Variants in ATP5PF observed in about 807,000 individuals in gnomAD.
The protein encoded by ATP5PF is ATP synthase peripheral stalk subunit F6.
In ATP5PF, 7 loss-of-function variants were observed where a neutral mutation model predicts 12.0. The observed-to-expected ratio is 0.58, with a 90% CI of 0.33 to 1.10. ATP5PF has a LOEUF of 1.10. Ranked by LOEUF, ATP5PF falls within the 50% of genes least tolerant of loss-of-function variation. The pLI is 0.03. For missense variants in ATP5PF, 120 were observed against 127.7 expected (o/e 0.94, Z 0.29); for synonymous variants, 41 against 45.4 (o/e 0.90, Z 0.39).
rs370858284 is a variant in ATP5PF, at chr21:25,732,985, CAAAAA to C, written c.-8+1863_-8+1867del. On this transcript the variant is annotated intron_variant, in intron 1 of 3. Transcript: ENST00000284971. ...GGGCAACAAGAGTGAAACTCTGTCT[CAAAAA>C]AAAAAAAAAAAAAAAAAAAAAAGAA... Among the ~76,000 whole-genome samples the C allele has an allele frequency of 2.5e-4, 12 of 47,810 alleles. No individual in the cohort carries two copies. The South Asian group carries it at 4.6e-3, about 18-fold the overall frequency. 31.4% of individuals were successfully genotyped at this position (47,810 alleles called of 152,430 possible). A position where few individuals can be genotyped will look rare whatever the true frequency, so the allele number is the denominator to read the frequency against.
chr21:25,734,677 C>A, intron 1 of ATP5PF, 176 bp downstream of exon 1: 1 of 635,670 alleles, frequency 1.6e-6, no homozygotes, highest in Non-Finnish European at 2.6e-6. Context: ...CTACGGCAAA[C>A]TCCAAGGTCT....
chr21:25,727,691 G>A (rs1292104669), intron 2 of ATP5PF, among the ~76,000 whole-genome samples: 1 of 152,078 alleles, frequency 6.6e-6, no homozygotes, highest in Non-Finnish European at 1.5e-5. Context: ...TTACTAGATA[G>A]GCTTTTAAAG....
chr21:25,724,757 C>T, intron 3 of ATP5PF, 80 bp from the exon 4 acceptor site: 1 of 1,416,822 alleles, frequency 7.1e-7, no homozygotes, highest in Non-Finnish European at 9.6e-7. Flanking sequence ...AGATTTAACT[C>T]ATCAATTTTC....
Position 25,728,044 on chromosome 21 carries a change from C to T in ATP5PF, c.164+1587G>A, listed in dbSNP as rs2034663341. Reference sequence around the variant, plus strand: ...TTTATTGTTCCCTCTTCTTCCTCTCCAGCAGCTCACCAAAACCAGGCATCA... The same window carrying T: ...TTTATTGTTCCCTCTTCTTCCTCTCTAGCAGCTCACCAAAACCAGGCATCA... On this transcript the variant is annotated intron_variant, in intron 2 of 3. Transcript: ENST00000284971. Among the ~76,000 whole-genome samples the T allele has an allele frequency of 2.6e-5, 4 of 152,158 alleles. No individual in the cohort carries two copies. In the South Asian group the frequency reaches 8.3e-4, roughly 32 times the overall value.
At chr21:25,725,024 C>G in intron 3 of ATP5PF, 1 of 677,214 alleles carries the variant, frequency 1.5e-6, no homozygotes, top group African/African-American at 1.9e-5. Flanking sequence ...AGATCCCCAC[C>G]ATTTAATCAC....
At chr21:25,731,214 C>T (rs1461158934) in intron 1 of ATP5PF, among the ~76,000 whole-genome samples, 6 of 152,106 alleles carry the variant, frequency 3.9e-5, no homozygotes, top group Admixed American at 6.6e-5. Context: ...TGCACTCCAG[C>T]CTGGATGCAG....
At chr21:25,729,497 C>A in intron 2 of ATP5PF, 134 bp downstream of exon 2, 2 of 744,124 alleles carry the variant, frequency 2.7e-6, no homozygotes, top group South Asian at 3.3e-5. Context: ...TTGAGGGCAC[C>A]TAATGAACCT....
Position 25,725,310 on chromosome 21 carries a change from G to T in ATP5PF, c.205C>A (p.Gln69Lys). The change falls in exon 3 of 4, where the codon CAA becomes AAA. Residue 69 changes from glutamine (Q) to lysine (K), a missense_variant. Physicochemically the swap from Gln to Lys is moderately conservative, Grantham distance 53. Coordinates refer to ENST00000284971, the MANE Select transcript of ATP5PF (RefSeq NM_001003703.2). ...GPVDASSEYQ[Q>K]ELERELFKLK... is the part of the protein sequence containing the mutation. The stretch of plus-strand genomic sequence containing the variant: ...TTAAAAAGCTCCCTCTCCAGCTCTT[G>T]CTGATACTCTGAACTAGCATCAACA... 4 of 1,612,602 alleles carry T rather than the reference G, an allele frequency of 2.5e-6. No individual in the cohort carries two copies. Among genetic ancestry groups the T allele is most frequent in the Non-Finnish European group, 3.4e-6 (4 of 1,179,870 alleles).
chr21:25,734,420 C>T, intron 1 of ATP5PF: 2 of 983,454 alleles, frequency 2.0e-6, no homozygotes, highest in Middle Eastern at 1.0e-3. Flanking sequence ...TTAGCACCAT[C>T]GTTTTTAGGT....
At chr21:25,734,374 T>C in intron 1 of ATP5PF, 1 of 988,094 alleles carries the variant, frequency 1.0e-6, no homozygotes, top group Non-Finnish European at 1.2e-6. Flanking sequence ...CAGTGCATAT[T>C]CCTATGAACA....
intron 1 of ATP5PF, among the ~76,000 whole-genome samples, chr21:25,733,358 T>C (rs1185500455): frequency 2.0e-5 from 3 of 151,784 alleles, no homozygotes; most frequent in Non-Finnish European, 4.4e-5. Flanking sequence ...TGAAACCCGG[T>C]CTCTACTGAA....
chr21:25,724,829 C>A, intron 3 of ATP5PF, 152 bp from the exon 4 acceptor site: 1 of 770,326 alleles, frequency 1.3e-6, no homozygotes, highest in Non-Finnish European at 2.1e-6. Flanking sequence ...AACATTTATG[C>A]AACACTTTCT....
intron 1 of ATP5PF, among the ~76,000 whole-genome samples, chr21:25,730,544 A>T (rs1233050454): frequency 6.6e-6 from 1 of 151,826 alleles, no homozygotes; most frequent in Admixed American, 6.6e-5. Context: ...GACCAGCCTG[A>T]CCAACAAAAA....
At chr21:25,731,135 G>C (rs1218089209) in intron 1 of ATP5PF, among the ~76,000 whole-genome samples, 2 of 151,850 alleles carry the variant, frequency 1.3e-5, no homozygotes. Flanking sequence ...CCAGTTATTT[G>C]GGAGGCTGAG....
rs1281971190 is a variant in ATP5PF at position 25,724,529 on chromosome 21, CAG to C, written c.*109_*110del. 8.9e-6 allele frequency: 11 copies of C among 1,232,366 alleles called. No individual in the cohort carries two copies. Among genetic ancestry groups the C allele is most frequent in the African/African-American group, 1.5e-5 (1 of 64,804 alleles). 76.3% of individuals were successfully genotyped at this position (1,232,366 alleles called of 1,614,324 possible). ...CATCACCAAATAATTTATTTGGACTCAGAATTAAAAGAACATTTGACAGTTAT... is the reference window on the plus strand; with the variant it reads ...CATCACCAAATAATTTATTTGGACTCAATTAAAAGAACATTTGACAGTTAT... On this transcript the variant is annotated 3_prime_UTR_variant, in exon 4 of 4. Transcript: ENST00000284971.
Position 25,724,677 on chromosome 21 carries a change from T to C in ATP5PF, c.290A>G (p.Asp97Gly). Reference protein sequence around the residue: ...MNTFPTFKFEDPKFEVIEKPQ... With the variant: ...MNTFPTFKFEGPKFEVIEKPQ... ...TTTTTCGATGACTTCAAATTTGGGATCTAAGAAGAGGGGGAAAAAAGGGTC... is the reference window on the plus strand; with the variant it reads ...TTTTTCGATGACTTCAAATTTGGGACCTAAGAAGAGGGGGAAAAAAGGGTC... Residue 97 changes from aspartate to glycine, a missense_variant and splice_region_variant, in exon 4 of 4, where the codon GAT (aspartate) becomes GGT (glycine). Asp to Gly is a moderately conservative substitution (Grantham distance 94, BLOSUM62 -1). Transcript: ENST00000284971. 6.3e-7 allele frequency: 1 copy of C among 1,596,108 alleles called. No homozygotes were observed. Among genetic ancestry groups the C allele is most frequent in the Non-Finnish European group, 8.5e-7 (1 of 1,175,604 alleles).
chr21:25,733,186 CTTA>C (rs1035968215), intron 1 of ATP5PF, among the ~76,000 whole-genome samples: 1 of 152,006 alleles, frequency 6.6e-6, no homozygotes, highest in Non-Finnish European at 1.5e-5. Context: ...TCATGTGCCA[CTTA>C]TTATCATTCC....
rs756331760 is a variant in ATP5PF, at chr21:25,725,357, A to T, written c.165-7T>A. The T allele has an allele frequency of 6.4e-7, 1 of 1,572,510 alleles. No individual in the cohort carries two copies. Among genetic ancestry groups the T allele is most frequent in the Admixed American group, 2.0e-5 (1 of 48,916 alleles). On this transcript the variant is annotated splice_polypyrimidine_tract_variant and splice_region_variant and intron_variant, in intron 2 of 3. Transcript: ENST00000284971. ...AACAGGTCCTCCAGATGTCCTGTTA[A>T]GTAAATGAGCAAACAAAAATTAATT...
At chr21:25,733,752 TAA>T (rs1290571891) in intron 1 of ATP5PF, among the ~76,000 whole-genome samples, 3 of 152,186 alleles carry the variant, frequency 2.0e-5, no homozygotes, top group Non-Finnish European at 2.9e-5. Flanking sequence ...CTCAAAGAGT[TAA>T]AGTGTTCTTA....
Sources: allele counts gnomAD v4.1 joint callset (sites outside exome capture counted in the v4.1 genomes callset), GRCh38; gene constraint gnomAD v4.1.1; transcripts MANE v1.5; gene names NCBI Gene and HGNC (gene_info 2026-07-23, HGNC 2026-07-21).